SYCE1L: variants seen among roughly 807,000 people sequenced by gnomAD.
The protein encoded by SYCE1L is synaptonemal complex central element protein 1 like.
Under a neutral mutation model 39.6 loss-of-function variants are expected in SYCE1L, and 51 were observed. The observed-to-expected ratio is 1.29, with a 90% confidence interval of 1.03 to 1.63. The LOEUF (loss-of-function observed/expected upper bound fraction) is 1.63, where lower values mean the gene tolerates loss of function less well. SYCE1L is among the 40% of genes most tolerant of loss of function. The pLI is 0.00. For synonymous variants in SYCE1L, 147 were observed against 122.4 expected (o/e 1.20, Z -1.33); for missense variants, 426 against 304.9 (o/e 1.40, Z -2.96).
intron 1 of SYCE1L, among the ~76,000 whole-genome samples, chr16:77,205,608 C>T (rs2054780863): frequency 6.6e-6 from 1 of 151,900 alleles, no homozygotes; most frequent in Admixed American, 6.6e-5. Context: ...TGGAAGAAAC[C>T]AGGTTTTCTT....
intron 5 of SYCE1L, 86 bp downstream of exon 5, chr16:77,209,230 C>A: frequency 6.8e-7 from 1 of 1,474,736 alleles, no homozygotes; most frequent in Non-Finnish European, 9.3e-7. Flanking sequence ...AGGAATCCCA[C>A]TGAAACCTAA....
chr16:77,206,981 C>G (rs1391450578), intron 2 of SYCE1L, among the ~76,000 whole-genome samples: 1 of 152,130 alleles, frequency 6.6e-6, no homozygotes, highest in African/African-American at 2.4e-5. Context: ...ACCCCCAGCC[C>G]ATTCTCATCT....
intron 1 of SYCE1L, chr16:77,199,821 T>A (rs1041776977): frequency 7.7e-6 from 2 of 259,438 alleles, no homozygotes; most frequent in African/African-American, 4.5e-5. Context: ...CTCATAACAA[T>A]CACCGTGCTG....
In SYCE1L at chr16:77,212,680, A is replaced by C. The variant is rs765475008; in HGVS notation, c.654+34A>C. Reference sequence around the variant, plus strand: ...CCCGAGGAAGGGAGGCGGGGCGGGCAGGGACCGAGTCAGGAGAGAGCGGGC... The same window carrying C: ...CCCGAGGAAGGGAGGCGGGGCGGGCCGGGACCGAGTCAGGAGAGAGCGGGC... On this transcript the variant is annotated intron_variant, in intron 10 of 10. Coordinates refer to ENST00000378644, the MANE Select transcript of SYCE1L (RefSeq NM_001129979.3). 61 of 1,517,826 alleles carry C rather than the reference A, an allele frequency of 4.0e-5. 1 individual carries two copies. The South Asian group carries it at 5.9e-4, about 15-fold the overall frequency. 94.0% of individuals were successfully genotyped at this position (1,517,826 alleles called of 1,614,324 possible).
At chr16:77,201,043 ATTATTGC>A in intron 1 of SYCE1L, 1 of 152,214 alleles carries the variant, frequency 6.6e-6, no homozygotes, top group East Asian at 1.9e-4. Context: ...CAAAGTAATG[ATTATTGC>A]TTATTGCCTG....
intron 2 of SYCE1L, among the ~76,000 whole-genome samples, chr16:77,207,041 G>A (rs556784695): frequency 4.6e-5 from 7 of 152,118 alleles, no homozygotes; most frequent in African/African-American, 9.7e-5. Context: ...CAGCCTCCCC[G>A]CTCCCATTCT....
intron 6 of SYCE1L, 124 bp downstream of exon 6, chr16:77,209,595 C>A (rs553477766): frequency 1.9e-6 from 2 of 1,027,986 alleles, no homozygotes; most frequent in African/African-American, 1.6e-5. Flanking sequence ...AATAGAGCAG[C>A]CTGACAAAAG....
intron 1 of SYCE1L, 47 bp from the exon 2 acceptor site, chr16:77,206,394 C>T: frequency 1.3e-6 from 2 of 1,523,150 alleles, no homozygotes; most frequent in Non-Finnish European, 8.9e-7. Flanking sequence ...TTCTCTCTCC[C>T]CTCTCACTCT....
intron 1 of SYCE1L, chr16:77,201,334 T>A (rs1266957191): frequency 6.6e-6 from 1 of 152,216 alleles, no homozygotes; most frequent in East Asian, 1.9e-4. Flanking sequence ...AAAATTTTAG[T>A]ATCAACCTTT....
chr16:77,210,938 A>G (rs1254974252), intron 6 of SYCE1L, among the ~76,000 whole-genome samples: 1 of 152,214 alleles, frequency 6.6e-6, no homozygotes, highest in African/African-American at 2.4e-5. Context: ...TTTTGCCCAT[A>G]ATTCTCAGGT....
At position 77,212,731 on chromosome 16, in the gene SYCE1L, A is replaced by G. The variant is rs1006990062; in HGVS notation, c.654+85A>G. 1.3e-5 allele frequency: 19 copies of G among 1,442,746 alleles called. No individual in the cohort carries two copies. The African/African-American group carries it at 2.5e-4, about 19-fold the overall frequency. The allele number at this position is 1,442,746 out of a possible 1,614,324, so 89.4% of individuals were successfully genotyped here. On this transcript the variant is annotated intron_variant, in intron 10 of 10. Transcript: ENST00000378644. ...GGGGGTCCTGGGAGCGGCCCCCGAG[A>G]GTGGGGTCTGTGGGGAGCAGGGCGG...
intron 4 of SYCE1L, among the ~76,000 whole-genome samples, chr16:77,208,773 C>T (rs2343038): frequency 0.44 from 66,531 of 152,030 alleles, 16,268 homozygotes; most frequent in Non-Finnish European, 0.56. Flanking sequence ...ATTCTCACGC[C>T]CCTGGCTGAT....
rs369087921 is a variant in SYCE1L at position 77,206,312 on chromosome 16, A to G, written c.62-129A>G. ...GACGGGGGCCCTGCTTCAGATGGAA[A>G]CCTGTCTGTCATTCCATCCTTAGCC... On this transcript the variant is annotated intron_variant, in intron 1 of 10. Transcript: ENST00000378644. The G allele has an allele frequency of 2.6e-4, 195 of 738,288 alleles. No homozygotes were observed. In the African/African-American group the frequency reaches 3.0e-3, roughly 11 times the overall value. 45.7% of individuals were successfully genotyped at this position (738,288 alleles called of 1,614,324 possible).
intron 2 of SYCE1L, among the ~76,000 whole-genome samples, chr16:77,206,827 ATGTATAT>A (rs2054788920): frequency 2.0e-5 from 1 of 48,856 alleles, no homozygotes; most frequent in Non-Finnish European, 7.6e-5. Context: ...GCATTCATGG[ATGTATAT>A]TTTTTGTCCT....
intron 1 of SYCE1L, chr16:77,199,734 T>C (rs983904011): frequency 1.5e-4 from 70 of 473,350 alleles, no homozygotes; most frequent in Middle Eastern, 5.4e-4. Context: ...TCAACTGTAG[T>C]GTATACGTTG....
At chr16:77,206,399 C>T (rs78081709) in intron 1 of SYCE1L, 42 bp from the exon 2 acceptor site, 193 of 1,534,514 alleles carry the variant, frequency 1.3e-4, no homozygotes, top group African/African-American at 1.2e-3. Context: ...TCTCCCCTCT[C>T]ACTCTCGCTG....
At chr16:77,211,190 T>C (rs2054819736) in intron 6 of SYCE1L, 23 bp from the exon 7 acceptor site, 1 of 1,551,774 alleles carries the variant, frequency 6.4e-7, no homozygotes, top group Admixed American at 2.0e-5. Flanking sequence ...TGTGTTCTCT[T>C]ATTCCTGGGT....
Position 77,203,592 on chromosome 16 carries a change from C to CTTT in SYCE1L, c.62-2834_62-2832dup, listed in dbSNP as rs57339044. ...CCCTAAGGTATCTTCAAGTTACTTCCTTTTTTTTTTTTTTTTTGAGATGTA... is the reference window on the plus strand; with the variant it reads ...CCCTAAGGTATCTTCAAGTTACTTCCTTTTTTTTTTTTTTTTTTTTGAGATGTA... On this transcript the variant is annotated intron_variant, in intron 1 of 10. Coordinates refer to ENST00000378644, the MANE Select transcript of SYCE1L (RefSeq NM_001129979.3). Among the ~76,000 whole-genome samples, 935 of 120,582 alleles carry CTTT rather than the reference C, an allele frequency of 7.8e-3. 33 individuals are homozygous for CTTT. The highest frequency in any genetic ancestry group is 0.027 in the African/African-American group (890 of 32,996). 79.1% of individuals were successfully genotyped at this position (120,582 alleles called of 152,430 possible). A position where few individuals can be genotyped will look rare whatever the true frequency, so the allele number is the denominator to read the frequency against.
intron 6 of SYCE1L, among the ~76,000 whole-genome samples, chr16:77,210,786 G>A (rs1022393091): frequency 8.5e-5 from 13 of 152,148 alleles, no homozygotes; most frequent in African/African-American, 3.1e-4. Flanking sequence ...TTCAACAGGA[G>A]AAACAAGAAA....
Sources: gnomAD v4.1 joint callset for allele counts (sites outside exome capture counted in the v4.1 genomes callset) on GRCh38, gnomAD v4.1.1 for gene constraint, MANE v1.5 for transcripts, NCBI Gene and HGNC (gene_info 2026-07-23, HGNC 2026-07-21) for gene names.